Variants in PCDH9 observed in about 807,000 individuals in gnomAD.
PCDH9 encodes the protein protocadherin-9.
A neutral mutation model predicts 70.6 loss-of-function variants in PCDH9; 24 were observed. That is an observed-to-expected ratio of 0.34 (90% CI 0.25 to 0.48). The LOEUF (loss-of-function observed/expected upper bound fraction) is 0.48. Among genes scored for constraint, PCDH9 ranks in the 20% least tolerant of loss-of-function variants. The probability of loss-of-function intolerance (pLI) is 0.99; values close to 1 mark genes in which losing one functional copy is unlikely to be tolerated. For synonymous variants in PCDH9, 562 were observed against 558.5 expected, an observed-to-expected ratio of 1.01 and a Z score of -0.09; for missense variants, 1,281 against 1,503.6, an observed-to-expected ratio of 0.85 and a Z score of 2.45.
intron 4 of PCDH9, among the ~76,000 whole-genome samples, chr13:66,391,644 C>T (rs1957020111): frequency 1.3e-5 from 2 of 151,964 alleles, no homozygotes; most frequent in Admixed American, 6.6e-5. Context: ...TTCAGAGAAC[C>T]AAACCTAAAC....
At chr13:66,422,040 C>T (rs550307999) in intron 4 of PCDH9, among the ~76,000 whole-genome samples, 61 of 152,180 alleles carry the variant, frequency 4.0e-4, no homozygotes, top group African/African-American at 5.8e-4. Context: ...GACTTTAAAC[C>T]AACAACGGTC....
At chr13:66,606,273 A>G (rs1458439740) in intron 4 of PCDH9, among the ~76,000 whole-genome samples, 4 of 152,070 alleles carry the variant, frequency 2.6e-5, no homozygotes. Flanking sequence ...TACATGTAGA[A>G]TTTCTAATGT....
At chr13:66,722,386 A>G in intron 3 of PCDH9, among the ~76,000 whole-genome samples, 1 of 152,178 alleles carries the variant, frequency 6.6e-6, no homozygotes. Flanking sequence ...CAAATGAAAA[A>G]ATCAAATCGC....
Position 67,188,795 on chromosome 13 carries a change from T to A in PCDH9, c.3036+36610A>T, listed in dbSNP as rs577191070. 2.4e-4 allele frequency among the ~76,000 whole-genome samples: 37 copies of A among 152,214 alleles called. No individual in the cohort carries two copies. The South Asian group carries it at 5.8e-3, about 24-fold the overall frequency. On this transcript the variant is annotated intron_variant, in intron 2 of 4. Transcript: ENST00000377865. Reference sequence around the variant, plus strand: ...GCTGTAATAGATCTTTAATTTTTTTTAATTTCTGTAAGTTTTAGGGGAACA... The same window carrying A: ...GCTGTAATAGATCTTTAATTTTTTTAAATTTCTGTAAGTTTTAGGGGAACA...
chr13:67,205,559 T>A (rs982526604), intron 2 of PCDH9: 1 of 152,184 alleles, frequency 6.6e-6, no homozygotes, highest in Non-Finnish European at 1.5e-5. Context: ...TTTGAACACA[T>A]AAATCTTTTT....
chr13:67,190,365 G>A (rs2088877527), intron 2 of PCDH9, among the ~76,000 whole-genome samples: 1 of 151,952 alleles, frequency 6.6e-6, no homozygotes, highest in Admixed American at 6.6e-5. Context: ...ATGAATCATT[G>A]TAGGGCTAAT....
chr13:67,157,038 T>G lies in PCDH9; in HGVS notation c.3036+68367A>C, dbSNP rs2087832204. Among the ~76,000 whole-genome samples, 9 of 152,370 alleles carry G rather than the reference T, an allele frequency of 5.9e-5. No homozygotes were observed. The South Asian group carries it at 1.9e-3, about 32-fold the overall frequency. On this transcript the variant is annotated intron_variant, in intron 2 of 4. Transcript: ENST00000377865. ...TGTTAAATACTTGTATTATAATATT[T>G]TATCTCTTTATTTCTTTTGCTTTAT...
chr13:67,009,442 T>C (rs1206424660), intron 2 of PCDH9, among the ~76,000 whole-genome samples: 2 of 152,126 alleles, frequency 1.3e-5, no homozygotes, highest in East Asian at 3.8e-4. Flanking sequence ...TCAAAGTCCT[T>C]ATAATTTGTA....
intron 4 of PCDH9, among the ~76,000 whole-genome samples, chr13:66,527,847 G>T (rs372577288): frequency 6.6e-6 from 1 of 151,998 alleles, no homozygotes; most frequent in African/African-American, 2.4e-5. Flanking sequence ...GCAAAATCCC[G>T]TCTCTACTAA....
intron 2 of PCDH9, among the ~76,000 whole-genome samples, chr13:67,110,300 G>T (rs1042125048): frequency 6.6e-6 from 1 of 151,836 alleles, no homozygotes; most frequent in Non-Finnish European, 1.5e-5. Context: ...AAGGAAGGTG[G>T]ATTATGAAGT....
At chr13:66,472,229 A>G (rs1191591024) in intron 4 of PCDH9, among the ~76,000 whole-genome samples, 3 of 145,090 alleles carry the variant, frequency 2.1e-5, no homozygotes, top group African/African-American at 7.6e-5. Context: ...AAAAAAAAAG[A>G]AAAAAGAAAA....
chr13:66,843,686 T>C (rs1402160622), intron 3 of PCDH9, among the ~76,000 whole-genome samples: 1 of 152,168 alleles, frequency 6.6e-6, no homozygotes, highest in Admixed American at 6.5e-5. Context: ...ATATCACAGC[T>C]AATGTGTACA....
chr13:66,955,043 G>A (rs946031843), intron 2 of PCDH9, among the ~76,000 whole-genome samples: 5 of 152,140 alleles, frequency 3.3e-5, no homozygotes, highest in Non-Finnish European at 5.9e-5. Flanking sequence ...GATTACAGGC[G>A]TGAGCCACTG....
At chr13:66,733,722 G>A (rs1184006884) in intron 3 of PCDH9, among the ~76,000 whole-genome samples, 1 of 150,050 alleles carries the variant, frequency 6.7e-6, no homozygotes, top group Non-Finnish European at 1.5e-5. Context: ...CCACAAAGCT[G>A]TCTATCTTAC....
chr13:67,191,487 T>A (rs1409266325), intron 2 of PCDH9, among the ~76,000 whole-genome samples: 1 of 152,130 alleles, frequency 6.6e-6, no homozygotes, highest in Non-Finnish European at 1.5e-5. Flanking sequence ...TATAATTATT[T>A]CAACCCTTTT....
rs116251407 is a variant in PCDH9, at chr13:66,719,164, G to A, written c.3139-87753C>T. On this transcript the variant is annotated intron_variant, in intron 3 of 4. Transcript: ENST00000377865. ...TTGCAATTTGGTCCTGGAGATAGCCGTAGCTGGGCTTTGGTCCTAACTCAA... is the reference window on the plus strand; with the variant it reads ...TTGCAATTTGGTCCTGGAGATAGCCATAGCTGGGCTTTGGTCCTAACTCAA... Among the ~76,000 whole-genome samples, 565 of 152,284 alleles carry A rather than the reference G, an allele frequency of 3.7e-3. 2 individuals carry two copies. The highest frequency in any genetic ancestry group is 0.013 in the African/African-American group (537 of 41,550).
At chr13:66,835,263 C>A (rs2080996910) in intron 3 of PCDH9, among the ~76,000 whole-genome samples, 1 of 152,212 alleles carries the variant, frequency 6.6e-6, no homozygotes, top group Non-Finnish European at 1.5e-5. Context: ...AGAACTCCCG[C>A]ACACCCGGCT....
At chr13:66,354,513 A>G (rs1956346850) in intron 4 of PCDH9, among the ~76,000 whole-genome samples, 1 of 152,128 alleles carries the variant, frequency 6.6e-6, no homozygotes. Context: ...TTTCCTTAGG[A>G]AGAAAAAATT....
rs541359991 is a variant in PCDH9 at position 67,163,595 on chromosome 13, C to A, written c.3036+61810G>T. On this transcript the variant is annotated intron_variant, in intron 2 of 4. Coordinates refer to ENST00000377865, the MANE Select transcript of PCDH9 (RefSeq NM_203487.3). ...TAGGAAGGCATTCAGACAGTAATTA[C>A]AATTTCTGGTTTTAGTTAATTCATA... is the stretch of plus-strand genomic sequence containing the variant. Among the ~76,000 whole-genome samples, 4 of 152,280 alleles carry A rather than the reference C, an allele frequency of 2.6e-5. No homozygotes were observed. In the South Asian group the frequency reaches 8.3e-4, roughly 32 times the overall value.
Sources: gnomAD v4.1 joint callset for allele counts (sites outside exome capture counted in the v4.1 genomes callset) on GRCh38, gnomAD v4.1.1 for gene constraint, MANE v1.5 for transcripts, NCBI Gene and HGNC (gene_info 2026-07-23, HGNC 2026-07-21) for gene names.